Variants in ADCY10 observed in about 807,000 individuals in gnomAD.
ADCY10 encodes adenylate cyclase type 10.
Under a neutral mutation model 183.3 loss-of-function variants are expected in ADCY10, and 156 were observed. The observed-to-expected ratio is 0.85, with a 90% CI of 0.75 to 0.97. The LOEUF (loss-of-function observed/expected upper bound fraction) is 0.97. Among genes scored for constraint, ADCY10 ranks in the 50% least tolerant of loss-of-function variants. The pLI, the probability that ADCY10 is intolerant of heterozygous loss-of-function variation, is 0.00. For synonymous variants in ADCY10, 645 were observed against 670.0 expected (o/e 0.96, Z 0.58); for missense variants, 1,745 against 1,934.3 (o/e 0.90, Z 1.84).
chr1:167,859,637 CT>C (rs1253807511), intron 16 of ADCY10, among the ~76,000 whole-genome samples, 169 bp downstream of exon 16: 2 of 152,036 alleles, frequency 1.3e-5, no homozygotes. Context: ...CTAAACAGAC[CT>C]TTTGCTTGAG....
In ADCY10 at chr1:167,860,906, A is replaced by T. The variant is rs760093811; in HGVS notation, c.1774T>A (p.Phe592Ile). The change falls in exon 15 of 33, where the codon TTC becomes ATC. Residue 592 changes from phenylalanine (F) to isoleucine (I), a missense_variant. Coordinates refer to ENST00000367851, the MANE Select transcript of ADCY10 (RefSeq NM_018417.6). ...NKVMTLLDEK[F>I]YCLLNDIFHV... is the part of the protein sequence containing the mutation. ...AAAATGTCATTAAGAAGACAGTAGA[A>T]CTTTTCATCCAACAGTGTCATGACT... 3 of 1,614,108 alleles carry T rather than the reference A, an allele frequency of 1.9e-6. No homozygotes were observed. The highest frequency in any genetic ancestry group is 2.5e-6 in the Non-Finnish European group (3 of 1,179,986).
intron 8 of ADCY10, among the ~76,000 whole-genome samples, chr1:167,892,182 G>A (rs1165917674): frequency 6.6e-6 from 1 of 152,058 alleles, no homozygotes; most frequent in Non-Finnish European, 1.5e-5. Flanking sequence ...ATGTTGTCCA[G>A]GCTGGTCTTG....
chr1:167,876,423 A>C (rs558305353), intron 12 of ADCY10, among the ~76,000 whole-genome samples: 2 of 152,284 alleles, frequency 1.3e-5, no homozygotes, highest in Non-Finnish European at 2.9e-5. Context: ...CCATAACACT[A>C]TCTCTTGAAG....
At chr1:167,863,229 A>G (rs1401428301) in intron 14 of ADCY10, among the ~76,000 whole-genome samples, 2 of 152,188 alleles carry the variant, frequency 1.3e-5, no homozygotes, top group African/African-American at 2.4e-5. Context: ...CTCGGTAGTT[A>G]AAATTCGACC....
Position 167,845,769 on chromosome 1 carries a change from T to G in ADCY10, c.2801A>C (p.Gln934Pro). 1 of 1,614,248 alleles carries G rather than the reference T, an allele frequency of 6.2e-7. No homozygotes were observed. The highest frequency in any genetic ancestry group is 8.5e-7 in the Non-Finnish European group (1 of 1,180,050). ...GAGCCACAGCTCGTAGGCTGTTTTC[T>G]GCATCATAGGGTTACAGAATCGAAT... ...HRIRFCNPMMQKTAYELWLKD... is the reference protein window; with the variant it reads ...HRIRFCNPMMPKTAYELWLKD... The change falls in exon 21 of 33, where the codon CAG becomes CCG. Residue 934 changes from glutamine to proline, a missense_variant. Physicochemically the swap from Gln to Pro is moderately conservative, Grantham distance 76 (BLOSUM62 -1). Coordinates refer to ENST00000367851, the MANE Select transcript of ADCY10 (RefSeq NM_018417.6).
chr1:167,845,553 A>C lies in ADCY10; in HGVS notation c.3007+10T>G. 6.2e-7 allele frequency: 1 copy of C among 1,613,740 alleles called. No individual in the cohort carries two copies. The stretch of plus-strand genomic sequence containing the variant: ...AACAGTTAGGATAATTTTAAAATGA[A>C]GTAGGTTACTTTTAAATCCATGAGA... On this transcript the variant is annotated intron_variant, in intron 21 of 32. Coordinates refer to ENST00000367851, the MANE Select transcript of ADCY10 (RefSeq NM_018417.6).
At position 167,819,991 on chromosome 1, in the gene ADCY10, G is replaced by A; in HGVS notation, c.4287-1724C>T. 3 of 1,521,464 alleles carry A rather than the reference G, an allele frequency of 2.0e-6. No homozygotes were observed. In the South Asian group the frequency reaches 3.4e-5, roughly 17 times the overall value. 94.2% of individuals were successfully genotyped at this position (1,521,464 alleles called of 1,614,324 possible). A position where few individuals can be genotyped will look rare whatever the true frequency, so the allele number is the denominator to read the frequency against. On this transcript the variant is annotated intron_variant, in intron 30 of 32. Coordinates refer to ENST00000367851, the MANE Select transcript of ADCY10 (RefSeq NM_018417.6). ...CCATTGTTTTGCCACTAACAAAGTG[G>A]ATGACTCTCCTTGGGACTTTCTTCT...
At chr1:167,872,814 G>A (rs1480222400) in intron 13 of ADCY10, among the ~76,000 whole-genome samples, 1 of 150,768 alleles carries the variant, frequency 6.6e-6, no homozygotes, top group Admixed American at 6.7e-5. Flanking sequence ...GCTCACGTCT[G>A]TAATCCCAGC....
chr1:167,833,324 T>C (rs76105023), intron 24 of ADCY10, among the ~76,000 whole-genome samples, 162 bp from the exon 25 acceptor site: 1 of 152,214 alleles, frequency 6.6e-6, no homozygotes, highest in Admixed American at 6.5e-5. Flanking sequence ...AAATGTCTAT[T>C]GGATATATGC....
chr1:167,861,100 T>G, intron 14 of ADCY10, 37 bp from the exon 15 acceptor site: 1 of 1,555,316 alleles, frequency 6.4e-7, no homozygotes, highest in South Asian at 1.1e-5. Flanking sequence ...AAGAGAGTTT[T>G]TAAATATATA....
Position 167,896,693 on chromosome 1 carries a change from T to C in ADCY10, c.643-2A>G. ...GGGGGGTGGTTTTAAGAAGTTAACCTAAATAAAAGCAAATGAGAAGTTTTC... is the reference window on the plus strand; with the variant it reads ...GGGGGGTGGTTTTAAGAAGTTAACCCAAATAAAAGCAAATGAGAAGTTTTC... On this transcript the variant is annotated splice_acceptor_variant, in intron 6 of 32. Coordinates refer to ENST00000367851, the MANE Select transcript of ADCY10 (RefSeq NM_018417.6). LOFTEE classifies it high-confidence loss of function. The C allele has an allele frequency of 6.3e-7, 1 of 1,583,520 alleles. No individual in the cohort carries two copies. Among genetic ancestry groups the C allele is most frequent in the Non-Finnish European group, 8.7e-7 (1 of 1,152,268 alleles).
intron 11 of ADCY10, 79 bp from the exon 12 acceptor site, chr1:167,878,714 A>T: frequency 1.4e-6 from 2 of 1,442,650 alleles, no homozygotes; most frequent in South Asian, 2.4e-5. Flanking sequence ...ATTGTCCCCA[A>T]ATAGCATTTT....
At position 167,860,854 on chromosome 1, in the gene ADCY10, T is replaced by C. The variant is rs777793607; in HGVS notation, c.1809+17A>G. On this transcript the variant is annotated intron_variant, in intron 15 of 32. Transcript: ENST00000367851. ...GCCCATGGCTATTTGTGCAGAAGTA[T>C]AATACTAGCTAGTTACCTGAACATG... 1 of 1,609,640 alleles carries C rather than the reference T, an allele frequency of 6.2e-7. No homozygotes were observed. Among genetic ancestry groups the C allele is most frequent in the African/African-American group, 1.3e-5 (1 of 74,836 alleles).
At chr1:167,888,662 GTC>G in intron 8 of ADCY10, among the ~76,000 whole-genome samples, 1 of 152,154 alleles carries the variant, frequency 6.6e-6, no homozygotes, top group East Asian at 1.9e-4. Flanking sequence ...GGATCACGAG[GTC>G]AGGAGATCGA....
intron 14 of ADCY10, among the ~76,000 whole-genome samples, chr1:167,869,788 A>G (rs114148513): frequency 0.011 from 1,726 of 151,636 alleles, 30 homozygotes; most frequent in African/African-American, 0.038. Flanking sequence ...GAAGTTGAGC[A>G]CCTTGACGAG....
chr1:167,881,762 G>A (rs1183244152), intron 9 of ADCY10, among the ~76,000 whole-genome samples: 1 of 152,212 alleles, frequency 6.6e-6, no homozygotes, highest in Non-Finnish European at 1.5e-5. Flanking sequence ...TCAATGACTT[G>A]CTAAGTCTCA....
At chr1:167,820,028 A>G (rs1662789096) in intron 30 of ADCY10, 12 of 1,574,432 alleles carry the variant, frequency 7.6e-6, no homozygotes, top group Non-Finnish European at 1.0e-5. Context: ...TTTTCCTATG[A>G]CTCCCAGTTC....
At chr1:167,837,116 G>A (rs1182479924) in intron 22 of ADCY10, 133 bp downstream of exon 22, 1 of 759,986 alleles carries the variant, frequency 1.3e-6, no homozygotes, top group East Asian at 2.5e-5. Context: ...AACTCACCAT[G>A]CATACCCCCC....
intron 6 of ADCY10, 149 bp downstream of exon 6, chr1:167,899,274 C>CTA: frequency 1.3e-6 from 1 of 783,650 alleles, no homozygotes; most frequent in East Asian, 2.6e-5. Flanking sequence ...CTGCCCTGGA[C>CTA]TAAAGCCTCT....
Sources: allele counts gnomAD v4.1 joint callset (sites outside exome capture counted in the v4.1 genomes callset), GRCh38; gene constraint gnomAD v4.1.1; transcripts MANE v1.5; gene names NCBI Gene and HGNC (gene_info 2026-07-23, HGNC 2026-07-21).